Variants in RPGRIP1 observed in about 807,000 individuals in gnomAD.
RPGRIP1 encodes RPGR interacting protein 1.
Under a neutral mutation model 157.9 loss-of-function variants are expected in RPGRIP1, and 128 were observed. That is an observed-to-expected ratio of 0.81 (90% confidence interval 0.70 to 0.94). The LOEUF (loss-of-function observed/expected upper bound fraction) is 0.94. Ranked by LOEUF, RPGRIP1 falls within the 40% of genes least tolerant of loss-of-function variation. RPGRIP1 has a pLI of 0.00. For missense variants in RPGRIP1, 1,486 were observed against 1,545.8 expected (o/e 0.96, Z 0.65); for synonymous variants, 554 against 571.6 (o/e 0.97, Z 0.44).
At position 21,321,932 on chromosome 14, in the gene RPGRIP1, C is replaced by T. The variant is rs773416438; in HGVS notation, c.1690C>T (p.Leu564=). 6 of 1,613,636 alleles carry T rather than the reference C, an allele frequency of 3.7e-6. No homozygotes were observed. The highest frequency in any genetic ancestry group is 4.2e-6 in the Non-Finnish European group (5 of 1,179,642). Residue 564 remains leucine, a synonymous_variant, in exon 14 of 25, where the codon CTA becomes TTA. Coordinates refer to ENST00000400017, the MANE Select transcript of RPGRIP1 (RefSeq NM_020366.4). ...HKEKLERLTR[L]LDLKNNRIKQ... is the part of the protein sequence containing the mutation. The stretch of plus-strand genomic sequence containing the variant: ...AGAAAAGCTGGAGAGGTTGACTCGA[C>T]TACTAGACCTCAAGAATAACCGTAT...
intron 11 of RPGRIP1, among the ~76,000 whole-genome samples, chr14:21,318,464 T>C (rs1260504908): frequency 6.0e-5 from 9 of 148,858 alleles, no homozygotes; most frequent in African/African-American, 2.2e-4. Flanking sequence ...TTGAAAGTTT[T>C]CTTTTGTTTG....
At chr14:21,307,049 C>T (rs1481952330) in intron 6 of RPGRIP1, among the ~76,000 whole-genome samples, 6 of 151,332 alleles carry the variant, frequency 4.0e-5, no homozygotes, top group East Asian at 1.9e-4. Flanking sequence ...GTTGGGATTA[C>T]AGGCCTGAGC....
At chr14:21,339,394 C>T (rs1276693929) in intron 21 of RPGRIP1, among the ~76,000 whole-genome samples, 1 of 151,934 alleles carries the variant, frequency 6.6e-6, no homozygotes, top group East Asian at 1.9e-4. Flanking sequence ...TGCAGTGAGC[C>T]GAGATGGTTC....
At chr14:21,294,436 G>A (rs201303440) in intron 2 of RPGRIP1, among the ~76,000 whole-genome samples, 1 of 151,974 alleles carries the variant, frequency 6.6e-6, no homozygotes, top group East Asian at 1.9e-4. Context: ...CACCATGTTG[G>A]TCAGGCTGGA....
chr14:21,336,678 C>T (rs56191775), intron 21 of RPGRIP1, among the ~76,000 whole-genome samples: 27,209 of 152,120 alleles, frequency 0.18, 3,053 homozygotes, highest in African/African-American at 0.31. Flanking sequence ...TTAGATAACA[C>T]TTCTATATTA....
At position 21,350,393 on chromosome 14, in the gene RPGRIP1, A is replaced by G. The variant is rs1004063758; in HGVS notation, c.3749-711A>G. Among the ~76,000 whole-genome samples, 71 of 148,918 alleles carry G rather than the reference A, an allele frequency of 4.8e-4. 1 individual carries two copies. Among genetic ancestry groups the G allele is most frequent in the African/African-American group, 1.5e-3 (59 of 40,610 alleles). On this transcript the variant is annotated intron_variant, in intron 24 of 24. Coordinates refer to ENST00000400017, the MANE Select transcript of RPGRIP1 (RefSeq NM_020366.4). Reference sequence around the variant, plus strand: ...TCTGTCTCCAAAAAAAAAAAAAAAAAAAAGAAAACAGGAATTAAGAGTACA... The same window carrying G: ...TCTGTCTCCAAAAAAAAAAAAAAAAGAAAGAAAACAGGAATTAAGAGTACA...
intron 21 of RPGRIP1, among the ~76,000 whole-genome samples, 177 bp from the exon 22 acceptor site, chr14:21,342,859 T>C (rs1301608983): frequency 2.0e-5 from 3 of 152,168 alleles, no homozygotes; most frequent in Non-Finnish European, 4.4e-5. Flanking sequence ...GGCAATTAAG[T>C]CAAGTTGTCT....
Position 21,286,237 on chromosome 14 carries a change from C to T in RPGRIP1, c.-38-1702C>T, listed in dbSNP as rs532770023. Among the ~76,000 whole-genome samples, 398 of 152,064 alleles carry T rather than the reference C, an allele frequency of 2.6e-3. 1 individual carries two copies. The highest frequency in any genetic ancestry group is 3.2e-3 in the Non-Finnish European group (221 of 68,028). On this transcript the variant is annotated intron_variant, in intron 1 of 24. Transcript: ENST00000400017. ...AACTCCTGACCTCGGGCGATCCGCCCGCCTCAACCTCCCAAAGTGCCGGGG... is the reference window on the plus strand; with the variant it reads ...AACTCCTGACCTCGGGCGATCCGCCTGCCTCAACCTCCCAAAGTGCCGGGG...
chr14:21,331,434 A>T (rs1037760005), intron 20 of RPGRIP1, among the ~76,000 whole-genome samples: 5 of 152,020 alleles, frequency 3.3e-5, no homozygotes, highest in African/African-American at 1.2e-4. Context: ...AGGCAGGAGA[A>T]TTGCTTAAAC....
chr14:21,312,200 A>G (rs1450597429), intron 9 of RPGRIP1, among the ~76,000 whole-genome samples: 1 of 152,196 alleles, frequency 6.6e-6, no homozygotes, highest in Middle Eastern at 3.2e-3. Context: ...CTTCCCTAGC[A>G]GTAGAAACCC....
chr14:21,300,871 A>G (rs1880994763), intron 3 of RPGRIP1, 95 bp from the exon 4 acceptor site: 1 of 1,387,018 alleles, frequency 7.2e-7, no homozygotes, highest in Non-Finnish European at 1.0e-6. Flanking sequence ...AGATGAATAC[A>G]TATTATAGAT....
chr14:21,287,868 C>T (rs942299693), intron 1 of RPGRIP1, 71 bp from the exon 2 acceptor site: 1 of 694,496 alleles, frequency 1.4e-6, no homozygotes, highest in African/African-American at 1.8e-5. Flanking sequence ...ATTCCTGCTA[C>T]AACTTATGTA....
intron 3 of RPGRIP1, among the ~76,000 whole-genome samples, chr14:21,300,025 G>T (rs1880955642): frequency 6.6e-6 from 1 of 152,202 alleles, no homozygotes; most frequent in Non-Finnish European, 1.5e-5. Context: ...GCCGGGCGCG[G>T]TGGCTCACGC....
chr14:21,346,689 CTTA>C (rs1885606734), intron 23 of RPGRIP1, among the ~76,000 whole-genome samples: 1 of 152,124 alleles, frequency 6.6e-6, no homozygotes, highest in Non-Finnish European at 1.5e-5. Context: ...GGTGTTTTAT[CTTA>C]TTTTTAATTT....
At chr14:21,287,915 G>C in intron 1 of RPGRIP1, 24 bp from the exon 2 acceptor site, 1 of 1,117,852 alleles carries the variant, frequency 8.9e-7, no homozygotes, top group South Asian at 1.3e-5. Flanking sequence ...GCATGTAACT[G>C]ACTGGACTTT....
intron 21 of RPGRIP1, among the ~76,000 whole-genome samples, chr14:21,340,766 C>G (rs892099099): frequency 2.0e-5 from 3 of 151,962 alleles, no homozygotes; most frequent in African/African-American, 4.8e-5. Flanking sequence ...TCTGCAGTAT[C>G]CAATACTCTT....
rs1415135522 is a variant in RPGRIP1, at chr14:21,348,391, A to G, written c.3748+89A>G. 3.9e-6 allele frequency: 4 copies of G among 1,027,518 alleles called. No homozygotes were observed. The African/African-American group carries it at 5.0e-5, about 13-fold the overall frequency. 63.7% of individuals were successfully genotyped at this position (1,027,518 alleles called of 1,614,324 possible). Reference sequence around the variant, plus strand: ...TTATCTTCAATACATAATTATTACTATGAAGTTGATAAGACACAAAGTGGA... The same window carrying G: ...TTATCTTCAATACATAATTATTACTGTGAAGTTGATAAGACACAAAGTGGA... On this transcript the variant is annotated intron_variant, in intron 24 of 24. Transcript: ENST00000400017.
chr14:21,334,631 GA>G lies in RPGRIP1; in HGVS notation c.3267del (p.Val1090SerfsTer13). 6.2e-7 allele frequency: 1 copy of G among 1,608,792 alleles called. No homozygotes were observed. The highest frequency in any genetic ancestry group is 8.5e-7 in the Non-Finnish European group (1 of 1,177,980). ...CAAAGAATCCTCTGAACAAGGTTCT[GA>G]AGTCAGTGAAGCACAAACTACCGAC... is the stretch of plus-strand genomic sequence containing the variant. ...NDKESSEQGS[E>X]VSEAQTTDSD... On this transcript the variant is annotated frameshift_variant, in exon 21 of 25. Transcript: ENST00000400017. LOFTEE classifies it high-confidence loss of function.
intron 1 of RPGRIP1, among the ~76,000 whole-genome samples, chr14:21,285,901 T>C (rs1880281117): frequency 6.6e-6 from 1 of 151,748 alleles, no homozygotes; most frequent in African/African-American, 2.4e-5. Flanking sequence ...GAGAGGAAAA[T>C]GGGGAGAGCA....
Sources: allele counts gnomAD v4.1 joint callset (sites outside exome capture counted in the v4.1 genomes callset), GRCh38; gene constraint gnomAD v4.1.1; transcripts MANE v1.5; gene names NCBI Gene and HGNC (gene_info 2026-07-23, HGNC 2026-07-21).